Variants in CSMD1 observed in about 807,000 individuals in gnomAD.
CSMD1 encodes CUB and sushi domain-containing protein 1.
A neutral mutation model predicts 417.5 loss-of-function variants in CSMD1; 213 were observed. That is an observed-to-expected ratio of 0.51 (90% confidence interval 0.46 to 0.57). The LOEUF (loss-of-function observed/expected upper bound fraction) is 0.57. CSMD1 is among the 20% of genes least tolerant of loss of function. CSMD1 has a pLI of 0.00. For synonymous variants in CSMD1, 2,862 were observed against 1,736.8 expected, an observed-to-expected ratio of 1.65 and a Z score of -16.11; for missense variants, 6,923 against 4,529.7, an observed-to-expected ratio of 1.53 and a Z score of -15.17.
At chr8:4,794,173 A>G (rs1288959686) in intron 1 of CSMD1, among the ~76,000 whole-genome samples, 3 of 152,168 alleles carry the variant, frequency 2.0e-5, no homozygotes. Context: ...GTTCTCTTCA[A>G]TTGTTAAATA....
chr8:2,986,432 G>C (rs890523149), intron 54 of CSMD1, among the ~76,000 whole-genome samples: 1 of 152,122 alleles, frequency 6.6e-6, no homozygotes, highest in Non-Finnish European at 1.5e-5. Flanking sequence ...CAACCCCTAA[G>C]ACTGTGTTTT....
At chr8:3,478,650 C>G (rs1817562035) in intron 11 of CSMD1, among the ~76,000 whole-genome samples, 1 of 152,108 alleles carries the variant, frequency 6.6e-6, no homozygotes, top group South Asian at 2.1e-4. Context: ...AGAAGGACCC[C>G]AGCAAGCCCG....
rs191841658 is a variant in CSMD1 at position 4,796,098 on chromosome 8, C to T, written c.86-158540G>A. Among the ~76,000 whole-genome samples the T allele has an allele frequency of 2.4e-4, 37 of 152,168 alleles. No homozygotes were observed. The East Asian group carries it at 3.9e-3, about 16-fold the overall frequency. On this transcript the variant is annotated intron_variant, in intron 1 of 69. Transcript: ENST00000635120. ...CAAAGACAAGTAAATGTTCTTATTC[C>T]ACAAGGAGTTTACTGTCTGTGGAGA...
chr8:2,978,899 T>C, intron 54 of CSMD1, 99 bp from the exon 55 acceptor site: 1 of 1,044,424 alleles, frequency 9.6e-7, no homozygotes, highest in East Asian at 2.7e-5. Context: ...TTTAGAAAGT[T>C]CAAAAACTGA....
At chr8:3,684,147 A>C (rs1040660784) in intron 7 of CSMD1, among the ~76,000 whole-genome samples, 1 of 136,198 alleles carries the variant, frequency 7.3e-6, no homozygotes, top group African/African-American at 2.6e-5. Flanking sequence ...TAATGCCTAT[A>C]TGTTATAATT....
At chr8:4,865,255 C>G (rs1585232773) in intron 1 of CSMD1, among the ~76,000 whole-genome samples, 2 of 151,714 alleles carry the variant, frequency 1.3e-5, no homozygotes, top group Admixed American at 1.3e-4. Flanking sequence ...CATAAAACTT[C>G]TATGTTATTC....
At chr8:3,476,871 C>T (rs528199809) in intron 11 of CSMD1, among the ~76,000 whole-genome samples, 7 of 143,332 alleles carry the variant, frequency 4.9e-5, no homozygotes, top group African/African-American at 1.9e-4. Context: ...TGAGCCAAGA[C>T]CGTGTCACTG....
At chr8:4,293,913 T>C (rs1432946013) in intron 3 of CSMD1, among the ~76,000 whole-genome samples, 1 of 151,882 alleles carries the variant, frequency 6.6e-6, no homozygotes, top group Non-Finnish European at 1.5e-5. Flanking sequence ...GTCCTATTAG[T>C]GTCTACTGTA....
intron 3 of CSMD1, among the ~76,000 whole-genome samples, chr8:4,054,127 C>T (rs1798572346): frequency 6.6e-6 from 1 of 152,256 alleles, no homozygotes; most frequent in African/African-American, 2.4e-5. Context: ...AGCCATTCTC[C>T]ACTTTTTTCT....
chr8:3,818,820 G>C (rs776536305), intron 5 of CSMD1, among the ~76,000 whole-genome samples: 1 of 152,168 alleles, frequency 6.6e-6, no homozygotes, highest in African/African-American at 2.4e-5. Context: ...TTGAGTCGCT[G>C]TTTAACTACT....
intron 1 of CSMD1, among the ~76,000 whole-genome samples, chr8:4,856,527 C>T (rs896657270): frequency 1.7e-4 from 23 of 139,322 alleles, no homozygotes; most frequent in East Asian, 1.1e-3. Flanking sequence ...ACCCATCTCA[C>T]GTGCAGAGAC....
chr8:3,471,366 T>A (rs773616944), intron 11 of CSMD1, among the ~76,000 whole-genome samples: 1 of 152,182 alleles, frequency 6.6e-6, no homozygotes. Flanking sequence ...TGTCAGAAAT[T>A]AGCAGTTTTG....
At chr8:3,959,045 T>C (rs1386461611) in intron 5 of CSMD1, among the ~76,000 whole-genome samples, 4 of 152,188 alleles carry the variant, frequency 2.6e-5, no homozygotes, top group Admixed American at 2.0e-4. Context: ...TCCTCCATAC[T>C]TCCTACTCCC....
intron 1 of CSMD1, among the ~76,000 whole-genome samples, chr8:4,803,625 T>C (rs1798430606): frequency 6.6e-6 from 1 of 152,224 alleles, no homozygotes; most frequent in Non-Finnish European, 1.5e-5. Flanking sequence ...AAAAGATCTA[T>C]GTCTTCTATC....
intron 23 of CSMD1, among the ~76,000 whole-genome samples, chr8:3,339,805 T>A (rs1807523515): frequency 6.6e-6 from 1 of 152,118 alleles, no homozygotes; most frequent in Non-Finnish European, 1.5e-5. Context: ...AAGTGGACAC[T>A]CATTGTCCCC....
chr8:4,885,171 A>G (rs940900641), intron 1 of CSMD1, among the ~76,000 whole-genome samples: 2 of 152,096 alleles, frequency 1.3e-5, no homozygotes, highest in African/African-American at 2.4e-5. Context: ...TGATTTGTCT[A>G]CTTTATCTGG....
chr8:4,386,925 T>G (rs1466865010), intron 3 of CSMD1, among the ~76,000 whole-genome samples: 1 of 152,210 alleles, frequency 6.6e-6, no homozygotes, highest in Non-Finnish European at 1.5e-5. Flanking sequence ...TCGAGGCAGA[T>G]AATACTATTG....
chr8:4,756,875 T>G (rs1811700846), intron 1 of CSMD1, among the ~76,000 whole-genome samples: 1 of 152,212 alleles, frequency 6.6e-6, no homozygotes, highest in Non-Finnish European at 1.5e-5. Flanking sequence ...CTTTTTAACC[T>G]GAAAGCAAAC....
At chr8:4,543,108 A>T (rs1373844090) in intron 2 of CSMD1, among the ~76,000 whole-genome samples, 1 of 152,216 alleles carries the variant, frequency 6.6e-6, no homozygotes, top group African/African-American at 2.4e-5. Context: ...ATCCTGCATT[A>T]GTGTGGCACA....
Sources: gnomAD v4.1 joint callset for allele counts (sites outside exome capture counted in the v4.1 genomes callset) on GRCh38, gnomAD v4.1.1 for gene constraint, MANE v1.5 for transcripts, NCBI Gene and HGNC (gene_info 2026-07-23, HGNC 2026-07-21) for gene names.